The following PRDM10 variants were observed in gnomAD, a reference collection of about 807,000 sequenced individuals.
The protein encoded by PRDM10 is PR domain zinc finger protein 10.
Under a neutral mutation model 133.1 loss-of-function variants are expected in PRDM10, and 65 were observed. That is an observed-to-expected ratio of 0.49 (90% CI 0.40 to 0.60). The LOEUF is 0.60. Ranked by LOEUF, PRDM10 falls within the 20% of genes least tolerant of loss-of-function variation. The pLI is 0.00. For missense variants in PRDM10, 1,137 were observed against 1,507.1 expected (o/e 0.75, Z 4.07); for synonymous variants, 582 against 580.4 (o/e 1.00, Z -0.04).
intron 1 of PRDM10, among the ~76,000 whole-genome samples, chr11:129,975,126 G>A (rs745461952): frequency 6.6e-6 from 1 of 152,110 alleles, no homozygotes; most frequent in Non-Finnish European, 1.5e-5. Context: ...TGTACTTAAT[G>A]CCACTAAATT....
At position 129,901,665 on chromosome 11, in the gene PRDM10, A is replaced by T. The variant is rs1673304079; in HGVS notation, c.*648T>A. On this transcript the variant is annotated 3_prime_UTR_variant, in exon 21 of 21. Transcript: ENST00000360871. The stretch of plus-strand genomic sequence containing the variant: ...GAGCTTCTGACCTAATCCACTGAGG[A>T]CCAGCATCTGTGGAAAGCACTACCA... 6.6e-6 allele frequency: 1 copy of T among 152,250 alleles called. No homozygotes were observed. Among genetic ancestry groups the T allele is most frequent in the South Asian group, 2.1e-4 (1 of 4,834 alleles). 9.4% of individuals were successfully genotyped at this position (152,250 alleles called of 1,614,324 possible).
At chr11:129,976,996 G>A (rs953428709) in intron 1 of PRDM10, among the ~76,000 whole-genome samples, 5 of 152,070 alleles carry the variant, frequency 3.3e-5, no homozygotes, top group Non-Finnish European at 7.4e-5. Flanking sequence ...TGCCTGGCAA[G>A]GTTCGTTCCA....
rs1021208999 is a variant in PRDM10 at position 129,945,917 on chromosome 11, C to G, written c.521-905G>C. On this transcript the variant is annotated intron_variant, in intron 5 of 20. Transcript: ENST00000360871. This position sits in a 1 kb window ranked among gnomAD's most constrained non-coding sequence, Gnocchi z 4.2. Reference sequence around the variant, plus strand: ...TTTAAAGATAAAGTGATTTTCTGTGCATTTGACTTAGGAGTTGCCTCAAAA... The same window carrying G: ...TTTAAAGATAAAGTGATTTTCTGTGGATTTGACTTAGGAGTTGCCTCAAAA... Among the ~76,000 whole-genome samples, 5 of 152,276 alleles carry G rather than the reference C, an allele frequency of 3.3e-5. No homozygotes were observed. Among genetic ancestry groups the G allele is most frequent in the African/African-American group, 1.2e-4 (5 of 41,560 alleles).
chr11:129,952,124 T>C (rs901191090), intron 4 of PRDM10, among the ~76,000 whole-genome samples: 1 of 152,082 alleles, frequency 6.6e-6, no homozygotes, highest in African/African-American at 2.4e-5. Flanking sequence ...AATGTCAGGG[T>C]TTGTGGAGCT....
intron 1 of PRDM10, among the ~76,000 whole-genome samples, chr11:129,967,649 C>G (rs1318633303): frequency 6.6e-6 from 1 of 152,128 alleles, no homozygotes; most frequent in Non-Finnish European, 1.5e-5. Flanking sequence ...GAGCAAAAAT[C>G]TCTGCTCCCA....
At position 129,923,553 on chromosome 11, in the gene PRDM10, C is replaced by G. The variant is rs2241572; in HGVS notation, c.1879-150G>C. The stretch of plus-strand genomic sequence containing the variant: ...AATCCAATCAGATGTGATAATTGGC[C>G]TCAATAACACATACTGTCCCTGTCA... On this transcript the variant is annotated intron_variant, in intron 12 of 20. Coordinates refer to ENST00000360871, the MANE Select transcript of PRDM10 (RefSeq NM_199437.2). The surrounding 1 kb of genome is among the most constrained non-coding windows in gnomAD (Gnocchi z 4.4). 55,752 of 753,912 alleles carry G rather than the reference C, an allele frequency of 0.074. 2,371 individuals are homozygous for G. Among genetic ancestry groups the G allele is most frequent in the East Asian group, 0.14 (4,567 of 32,100 alleles). The allele number at this position is 753,912 out of a possible 1,614,324, so 46.7% of individuals were successfully genotyped here. A position where few individuals can be genotyped will look rare whatever the true frequency, so the allele number is the denominator to read the frequency against.
At chr11:129,988,828 A>C (rs1309383992) in intron 1 of PRDM10, among the ~76,000 whole-genome samples, 1 of 151,856 alleles carries the variant, frequency 6.6e-6, no homozygotes, top group Non-Finnish European at 1.5e-5. Flanking sequence ...ACGGGGTTTC[A>C]CCGTGTTAGC....
Position 129,909,399 on chromosome 11 carries a change from G to A in PRDM10, c.3163+1077C>T, listed in dbSNP as rs533451830. Reference sequence around the variant, plus strand: ...CGGGAGGCGGAGGTTGCAGTGAGCCGCGATTGTGCCACTGCACTCCAGCCT... The same window carrying A: ...CGGGAGGCGGAGGTTGCAGTGAGCCACGATTGTGCCACTGCACTCCAGCCT... On this transcript the variant is annotated intron_variant, in intron 19 of 20. Transcript: ENST00000360871. Among the ~76,000 whole-genome samples the A allele has an allele frequency of 5.9e-5, 9 of 151,584 alleles. No individual in the cohort carries two copies. In the East Asian group the frequency reaches 7.9e-4, roughly 13 times the overall value.
chr11:129,972,533 T>C (rs1165575279), intron 1 of PRDM10, among the ~76,000 whole-genome samples: 1 of 152,234 alleles, frequency 6.6e-6, no homozygotes, highest in Non-Finnish European at 1.5e-5. Context: ...GAGCATAGTT[T>C]GAGAACAGAT....
chr11:129,964,847 T>C (rs1293627488), intron 1 of PRDM10, among the ~76,000 whole-genome samples: 2 of 152,268 alleles, frequency 1.3e-5, no homozygotes, highest in African/African-American at 2.4e-5. Flanking sequence ...TTATCTATCA[T>C]ATGTAAAATG....
chr11:130,002,835 T>G lies in PRDM10; in HGVS notation c.-232A>C. On this transcript the variant is annotated 5_prime_UTR_variant, in exon 1 of 21. Coordinates refer to ENST00000360871, the MANE Select transcript of PRDM10 (RefSeq NM_199437.2). ...CCAGGTGGTTCTTCCCGCCGCAGAG[T>G]GGGAGCAGCATAAAAGGCGGGGTCT... 2 of 193,610 alleles carry G rather than the reference T, an allele frequency of 1.0e-5. No individual in the cohort carries two copies. The highest frequency in any genetic ancestry group is 1.2e-4 in the South Asian group (2 of 16,866). The allele number at this position is 193,610 out of a possible 1,614,324, so 12.0% of individuals were successfully genotyped here.
At position 129,910,459 on chromosome 11, in the gene PRDM10, C is replaced by G; in HGVS notation, c.3163+17G>C. On this transcript the variant is annotated intron_variant, in intron 19 of 20. Coordinates refer to ENST00000360871, the MANE Select transcript of PRDM10 (RefSeq NM_199437.2). ...CCCCCACCCCTGACCGACACGGCAT[C>G]GTCCCTTCTTACTTACAATAGCCAC... The G allele has an allele frequency of 1.9e-6, 3 of 1,613,622 alleles. No individual in the cohort carries two copies. Among genetic ancestry groups the G allele is most frequent in the Non-Finnish European group, 2.5e-6 (3 of 1,180,026 alleles).
intron 17 of PRDM10, chr11:129,914,366 T>C (rs1311209858): frequency 1.0e-5 from 4 of 398,520 alleles, no homozygotes; most frequent in Non-Finnish European, 1.4e-5. Context: ...TCGTGATTTA[T>C]CAAACTGGCT....
chr11:129,991,581 G>A (rs57001227), intron 1 of PRDM10, among the ~76,000 whole-genome samples: 2,308 of 152,246 alleles, frequency 0.015, 46 homozygotes, highest in African/African-American at 0.047. Flanking sequence ...CACTTTGGGA[G>A]GCCGAGAGGG....
At chr11:129,975,771 G>A (rs370854996) in intron 1 of PRDM10, among the ~76,000 whole-genome samples, 52 of 152,278 alleles carry the variant, frequency 3.4e-4, no homozygotes, top group African/African-American at 1.2e-3. Flanking sequence ...CACCGCCCTC[G>A]AAGTGCTGGG....
Position 129,915,773 on chromosome 11 carries a change from G to C in PRDM10, c.2413C>G (p.Pro805Ala). The C allele has an allele frequency of 6.2e-7, 1 of 1,614,208 alleles. No individual in the cohort carries two copies. Among genetic ancestry groups the C allele is most frequent in the Non-Finnish European group, 8.5e-7 (1 of 1,180,040 alleles). Reference sequence around the variant, plus strand: ...GGGTCTGGCTCTCCAGGACCAGCGGGTCGGAGCTTCCGAATGCTCGGTGGG... The same window carrying C: ...GGGTCTGGCTCTCCAGGACCAGCGGCTCGGAGCTTCCGAATGCTCGGTGGG... ...ELPPSIRKLR[P>A]AGPGEPDPML... Residue 805 changes from proline (P) to alanine (A), a missense_variant, in exon 16 of 21, where the codon CCC (proline) becomes GCC (alanine). Transcript: ENST00000360871.
At chr11:129,948,076 C>G (rs1951477749) in intron 4 of PRDM10, 1 of 456,518 alleles carries the variant, frequency 2.2e-6, no homozygotes, top group African/African-American at 2.0e-5. Context: ...AGATGAGGTG[C>G]CTGTTTGTTT....
chr11:129,949,442 A>G (rs1951521483), intron 4 of PRDM10, among the ~76,000 whole-genome samples: 1 of 152,222 alleles, frequency 6.6e-6, no homozygotes, highest in Non-Finnish European at 1.5e-5. Context: ...GATATCATAT[A>G]CTTCCTCCTC....
At position 129,971,919 on chromosome 11, in the gene PRDM10, A is replaced by G. The variant is rs1025195354; in HGVS notation, c.-118-10837T>C. On this transcript the variant is annotated intron_variant, in intron 1 of 20. Transcript: ENST00000360871. ...TCGGGGAGGCTTGGGCTGCACAGGAACCCACGGAGGGGGTGGGAGGCTCAG... is the reference window on the plus strand; with the variant it reads ...TCGGGGAGGCTTGGGCTGCACAGGAGCCCACGGAGGGGGTGGGAGGCTCAG... 3.3e-5 allele frequency among the ~76,000 whole-genome samples: 5 copies of G among 152,282 alleles called. No individual in the cohort carries two copies. In the South Asian group the frequency reaches 8.3e-4, roughly 25 times the overall value.
Sources: allele counts gnomAD v4.1 joint callset (sites outside exome capture counted in the v4.1 genomes callset), GRCh38; gene constraint gnomAD v4.1.1; non-coding constraint Gnocchi (gnomAD v3.1); transcripts MANE v1.5; gene names NCBI Gene and HGNC (gene_info 2026-07-23, HGNC 2026-07-21).